Variants in ACVRL1 observed in about 807,000 individuals in gnomAD.
ACVRL1 encodes activin A receptor like type 1.
A neutral mutation model predicts 51.9 loss-of-function variants in ACVRL1; 20 were observed. The observed-to-expected ratio is 0.39, with a 90% CI of 0.27 to 0.56. The LOEUF is 0.56. ACVRL1 is among the 20% of genes least tolerant of loss of function. ACVRL1 has a pLI of 0.67. For synonymous variants in ACVRL1, 288 were observed against 280.9 expected, an observed-to-expected ratio of 1.03 and a Z score of -0.25; for missense variants, 451 against 670.3, an observed-to-expected ratio of 0.67 and a Z score of 3.61.
chr12:51,921,407 A>G lies in ACVRL1; in HGVS notation c.*514A>G, dbSNP rs1940978098. 5.0e-6 allele frequency: 1 copy of G among 199,064 alleles called. No individual in the cohort carries two copies. Among genetic ancestry groups the G allele is most frequent in the South Asian group, 9.7e-5 (1 of 10,362 alleles). The allele number at this position is 199,064 out of a possible 1,614,324, so 12.3% of individuals were successfully genotyped here. Reference sequence around the variant, plus strand: ...CATCAGTTTCTCTCTGTGGATTTGTATCTCAGCTCCATGATGCCTTGGGCT... The same window carrying G: ...CATCAGTTTCTCTCTGTGGATTTGTGTCTCAGCTCCATGATGCCTTGGGCT... On this transcript the variant is annotated 3_prime_UTR_variant, in exon 10 of 10. Transcript: ENST00000388922.
At position 51,922,721 on chromosome 12, in the gene ACVRL1, C is replaced by T. The variant is rs1212427414; in HGVS notation, c.*1828C>T. The T allele has an allele frequency of 6.6e-6, 1 of 152,274 alleles. No homozygotes were observed. Among genetic ancestry groups the T allele is most frequent in the Admixed American group, 6.5e-5 (1 of 15,280 alleles). The allele number at this position is 152,274 out of a possible 1,614,324, so 9.4% of individuals were successfully genotyped here. A position where few individuals can be genotyped will look rare whatever the true frequency, so the allele number is the denominator to read the frequency against. ...AGGACAGCCCCAAGGTTGGGAAGACCTGGCCTTAGTCGTCCTCAGCCTAGG... is the reference window on the plus strand; with the variant it reads ...AGGACAGCCCCAAGGTTGGGAAGACTTGGCCTTAGTCGTCCTCAGCCTAGG... On this transcript the variant is annotated 3_prime_UTR_variant, in exon 10 of 10. Coordinates refer to ENST00000388922, the MANE Select transcript of ACVRL1 (RefSeq NM_000020.3).
intron 1 of ACVRL1, chr12:51,912,262 C>T (rs1423806383): frequency 3.1e-6 from 2 of 653,634 alleles, no homozygotes; most frequent in Non-Finnish European, 5.5e-6. Flanking sequence ...CCACCCTTCA[C>T]CTCTAACAGG....
At position 51,921,127 on chromosome 12, in the gene ACVRL1, C is replaced by T. The variant is rs1940970233; in HGVS notation, c.*234C>T. The stretch of plus-strand genomic sequence containing the variant: ...GGCTCCCTGACGCCTGGCTCTCTCC[C>T]CACCCCTATGGCCAGCATGGTGCAC... On this transcript the variant is annotated 3_prime_UTR_variant, in exon 10 of 10. Coordinates refer to ENST00000388922, the MANE Select transcript of ACVRL1 (RefSeq NM_000020.3). 5.3e-6 allele frequency: 3 copies of T among 568,992 alleles called. No homozygotes were observed. The South Asian group carries it at 5.8e-5, about 11-fold the overall frequency. The allele number at this position is 568,992 out of a possible 1,614,324, so 35.2% of individuals were successfully genotyped here.
At chr12:51,908,254 C>A (rs913421755) in intron 1 of ACVRL1, among the ~76,000 whole-genome samples, 2 of 152,150 alleles carry the variant, frequency 1.3e-5, no homozygotes, top group African/African-American at 4.8e-5. Flanking sequence ...ATCCCAGTCT[C>A]CCCCCAGGCT....
intron 1 of ACVRL1, among the ~76,000 whole-genome samples, chr12:51,910,031 A>G (rs1375552339): frequency 1.3e-5 from 2 of 152,216 alleles, no homozygotes; most frequent in Non-Finnish European, 2.9e-5. Flanking sequence ...GGTAAATCGT[A>G]CAGAGTCAGC....
rs1344683257 is a variant in ACVRL1, at chr12:51,920,143, G to GGTTGATGAGCTTCCTGGGATGA, written c.1378-595_1378-594insAGTTGATGAGCTTCCTGGGATG. On this transcript the variant is annotated intron_variant, in intron 9 of 9. Coordinates refer to ENST00000388922, the MANE Select transcript of ACVRL1 (RefSeq NM_000020.3). Reference sequence around the variant, plus strand: ...CCAGCTCATTTCAGGCCCTGGGATGGGTTGATGAGCTTCCTGGGATGGGTT... The same window carrying GGTTGATGAGCTTCCTGGGATGA: ...CCAGCTCATTTCAGGCCCTGGGATGGGTTGATGAGCTTCCTGGGATGAGTTGATGAGCTTCCTGGGATGGGTT... Among the ~76,000 whole-genome samples the GGTTGATGAGCTTCCTGGGATGA allele has an allele frequency of 8.8e-3, 1,343 of 152,298 alleles. 21 individuals carry two copies. Among genetic ancestry groups the GGTTGATGAGCTTCCTGGGATGA allele is most frequent in the African/African-American group, 0.031 (1,281 of 41,534 alleles).
chr12:51,915,094 C>T, intron 6 of ACVRL1, 131 bp from the exon 7 acceptor site: 1 of 1,053,970 alleles, frequency 9.5e-7, no homozygotes, highest in Non-Finnish European at 1.4e-6. Flanking sequence ...CCACATCAAC[C>T]CCCACCCCCA....
chr12:51,915,994 G>A (rs1191655062), intron 7 of ACVRL1, 42 bp from the exon 8 acceptor site: 10 of 1,594,120 alleles, frequency 6.3e-6, no homozygotes, highest in South Asian at 2.2e-5. Flanking sequence ...CTGGATCCCA[G>A]GTTTGGGAGA....
rs886049610 is a variant in ACVRL1, at chr12:51,921,024, C to G, written c.*131C>G. On this transcript the variant is annotated 3_prime_UTR_variant, in exon 10 of 10. Coordinates refer to ENST00000388922, the MANE Select transcript of ACVRL1 (RefSeq NM_000020.3). ...GGATGGGCAGCTGCGCCTGCCTGCT[C>G]GGCCCCCAGCCCACCCAGCCAAAAA... The G allele has an allele frequency of 8.7e-7, 1 of 1,151,840 alleles. No individual in the cohort carries two copies. Among genetic ancestry groups the G allele is most frequent in the Middle Eastern group, 2.8e-4 (1 of 3,578 alleles). The allele number at this position is 1,151,840 out of a possible 1,614,324, so 71.4% of individuals were successfully genotyped here. A position where few individuals can be genotyped will look rare whatever the true frequency, so the allele number is the denominator to read the frequency against.
At position 51,917,699 on chromosome 12, in the gene ACVRL1, G is replaced by T. The variant is rs1040765282; in HGVS notation, c.1247-1286G>T. On this transcript the variant is annotated intron_variant, in intron 8 of 9. Coordinates refer to ENST00000388922, the MANE Select transcript of ACVRL1 (RefSeq NM_000020.3). The surrounding 1 kb of genome is among the most constrained non-coding windows in gnomAD (Gnocchi z 4.2). Reference sequence around the variant, plus strand: ...CCGGTCCCTTGGGGAGACTCACGAGGTGCTTAGATTCCTCAAGACTCCGGG... The same window carrying T: ...CCGGTCCCTTGGGGAGACTCACGAGTTGCTTAGATTCCTCAAGACTCCGGG... Among the ~76,000 whole-genome samples the T allele has an allele frequency of 6.6e-6, 1 of 152,170 alleles. No homozygotes were observed. The highest frequency in any genetic ancestry group is 1.5e-5 in the Non-Finnish European group (1 of 68,026).
At chr12:51,912,994 TTGTC>T in intron 2 of ACVRL1, 101 bp from the exon 3 acceptor site, 1 of 1,490,192 alleles carries the variant, frequency 6.7e-7, no homozygotes. Context: ...TTCAAGGTGT[TTGTC>T]TGAGGGGTCA....
Position 51,913,679 on chromosome 12 carries a change from G to A in ACVRL1, c.434G>A (p.Arg145Gln), listed in dbSNP as rs200169087. ...GTCCTGGGCCTGTGGCATGTCCGAC[G>A]GAGGCAGGAGAAGCAGCGTGGCCTG... is the stretch of plus-strand genomic sequence containing the variant. ...LGVLGLWHVRRRQEKQRGLHS... is the reference protein window; with the variant it reads ...LGVLGLWHVRQRQEKQRGLHS... Residue 145 changes from arginine (R) to glutamine (Q), a missense_variant, in exon 4 of 10, where the codon CGG (arginine) becomes CAG (glutamine). Transcript: ENST00000388922. 26 of 1,610,732 alleles carry A rather than the reference G, an allele frequency of 1.6e-5. No homozygotes were observed. The highest frequency in any genetic ancestry group is 8.8e-5 in the South Asian group (8 of 91,084).
At chr12:51,913,454 G>A in intron 3 of ACVRL1, 104 bp downstream of exon 3, 1 of 1,531,710 alleles carries the variant, frequency 6.5e-7, no homozygotes, top group Non-Finnish European at 8.8e-7. Flanking sequence ...TGGGGGCGGG[G>A]GAGCGGGTGG....
Position 51,922,817 on chromosome 12 carries a change from C to G in ACVRL1, c.*1924C>G, listed in dbSNP as rs1192465625. The G allele has an allele frequency of 2.6e-5, 4 of 152,622 alleles. No homozygotes were observed. The highest frequency in any genetic ancestry group is 9.6e-5 in the African/African-American group (4 of 41,460). 9.5% of individuals were successfully genotyped at this position (152,622 alleles called of 1,614,324 possible). ...CAGAGTAGCCTCCCCAGGCCGGCAT[C>G]TTATGTGTGTCTTCCACCATCCTCA... is the stretch of plus-strand genomic sequence containing the variant. On this transcript the variant is annotated 3_prime_UTR_variant, in exon 10 of 10. Coordinates refer to ENST00000388922, the MANE Select transcript of ACVRL1 (RefSeq NM_000020.3).
At chr12:51,918,337 CT>C (rs1940890581) in intron 8 of ACVRL1, among the ~76,000 whole-genome samples, 2 of 152,224 alleles carry the variant, frequency 1.3e-5, no homozygotes, top group Admixed American at 6.5e-5. Context: ...AGCCCTGTCA[CT>C]TACTATCTGT....
chr12:51,916,290 G>C (rs1452584969), intron 8 of ACVRL1, 57 bp downstream of exon 8: 1 of 1,577,444 alleles, frequency 6.3e-7, no homozygotes, highest in African/African-American at 1.4e-5. Context: ...GGAGCCAGGG[G>C]CTTCCAGCCA....
At chr12:51,912,793 G>C (rs1177168457) in intron 2 of ACVRL1, among the ~76,000 whole-genome samples, 1 of 152,102 alleles carries the variant, frequency 6.6e-6, no homozygotes, top group Non-Finnish European at 1.5e-5. Flanking sequence ...GGTGGAGGGA[G>C]AGCAGGTGTT....
intron 9 of ACVRL1, among the ~76,000 whole-genome samples, chr12:51,920,492 C>T (rs1940947473): frequency 6.6e-6 from 1 of 152,134 alleles, no homozygotes; most frequent in Non-Finnish European, 1.5e-5. Flanking sequence ...TCACTCTACT[C>T]TCTTCCTCTT....
intron 5 of ACVRL1, 151 bp from the exon 6 acceptor site, chr12:51,914,288 A>C (rs1592223244): frequency 1.5e-6 from 2 of 1,321,290 alleles, no homozygotes; most frequent in Middle Eastern, 2.5e-4. Context: ...GTGGCCTGCC[A>C]CTGGGTTTGG....
Sources: allele counts gnomAD v4.1 joint callset (sites outside exome capture counted in the v4.1 genomes callset), GRCh38; gene constraint gnomAD v4.1.1; non-coding constraint Gnocchi (gnomAD v3.1); transcripts MANE v1.5; gene names NCBI Gene and HGNC (gene_info 2026-07-23, HGNC 2026-07-21).